The following NCOR2 variants were observed in gnomAD, a reference collection of about 807,000 sequenced individuals.
The protein encoded by NCOR2 is nuclear receptor corepressor 2.
Under a neutral mutation model 262.9 loss-of-function variants are expected in NCOR2, and 81 were observed. That is an observed-to-expected ratio of 0.31 (90% confidence interval 0.26 to 0.37). NCOR2 has a LOEUF of 0.37. Among genes scored for constraint, NCOR2 ranks in the 10% least tolerant of loss-of-function variants. The pLI is 1.00. For synonymous variants in NCOR2, 1,659 were observed against 1,559.3 expected (o/e 1.06, Z -1.51); for missense variants, 3,385 against 3,621.4 (o/e 0.93, Z 1.68).
At chr12:124,399,062 C>T (rs537230087) in intron 15 of NCOR2, among the ~76,000 whole-genome samples, 3 of 152,236 alleles carry the variant, frequency 2.0e-5, no homozygotes, top group Non-Finnish European at 2.9e-5. Flanking sequence ...CCTGGAACTG[C>T]GCCAGGGGGA....
chr12:124,340,144 G>C lies in NCOR2; in HGVS notation c.5549C>G (p.Ser1850Cys), dbSNP rs764396899. The change falls in exon 37 of 47, where the codon TCC becomes TGC. Residue 1850 changes from serine (S) to cysteine (C), a missense_variant. Physicochemically the swap from Ser to Cys is moderately radical, Grantham distance 112 (BLOSUM62 -1). This residue lies in a region of NCOR2 where 1,017 missense variants were observed against 967.2 expected (regional missense o/e 1.05). Transcript: ENST00000405201. ...CGAGTGCTGGTGGGCATGGGAGTGG[G>C]AGGCGGGGCGGCTGCTGCTGCCCCC... is the stretch of plus-strand genomic sequence containing the variant. The C allele has an allele frequency of 4.4e-6, 7 of 1,605,110 alleles. No homozygotes were observed. The African/African-American group carries it at 9.6e-5, about 22-fold the overall frequency.
chr12:124,497,451 C>G (rs1304169249), upstream of NCOR2, among the ~76,000 whole-genome samples: 2 of 151,940 alleles, frequency 1.3e-5, no homozygotes, highest in Non-Finnish European at 2.9e-5. The surrounding 1 kb of genome is among the most constrained non-coding windows in gnomAD (Gnocchi z 4.2). Context: ...CATGTGCCAC[C>G]CCCGCGTAGG....
At chr12:124,386,427 A>G (rs1463589202) in intron 16 of NCOR2, among the ~76,000 whole-genome samples, 18 of 151,936 alleles carry the variant, frequency 1.2e-4, no homozygotes, top group African/African-American at 4.1e-4. Context: ...GGTGGGGATG[A>G]GCTGGGGCCA....
chr12:124,509,990 C>T (rs1039222773), intron 1 of NCOR2, among the ~76,000 whole-genome samples: 2 of 152,182 alleles, frequency 1.3e-5, no homozygotes, highest in Non-Finnish European at 2.9e-5. Context: ...AAACCTAGGC[C>T]AGGTTGAGCA....
chr12:124,334,689 C>A (rs2035719056), intron 40 of NCOR2, 72 bp from the exon 43 acceptor site: 1 of 767,886 alleles, frequency 1.3e-6, no homozygotes, highest in Non-Finnish European at 2.0e-6. Flanking sequence ...TGGGGAGGGG[C>A]TAGACGGAGC....
At chr12:124,350,821 A>G in intron 27 of NCOR2, 84 bp from the exon 30 acceptor site, 1 of 1,460,854 alleles carries the variant, frequency 6.8e-7, no homozygotes, top group Middle Eastern at 2.0e-4. Context: ...CGTGCTTAAA[A>G]GCCCATGTGC....
exon 47 of NCOR2, chr12:124,325,452 G>C: frequency 2.2e-6 from 3 of 1,366,036 alleles, no homozygotes; most frequent in Non-Finnish European, 2.8e-6. Flanking sequence ...AGTGGCTTGG[G>C]CTCCTCGTCC....
At chr12:124,363,689 A>G in exon 21 of NCOR2, 1 of 1,386,936 alleles carries the variant, frequency 7.2e-7, no homozygotes, top group South Asian at 1.9e-5. Context: ...GATGGGGGGG[A>G]TGGCAGCCGC....
chr12:124,345,884 A>G (rs903325109), intron 31 of NCOR2, among the ~76,000 whole-genome samples: 1 of 152,086 alleles, frequency 6.6e-6, no homozygotes, highest in African/African-American at 2.4e-5. Flanking sequence ...CCTTCACAAG[A>G]GGCCACCTCT....
Position 124,548,727 on chromosome 12 carries a change from A to C in NCOR2, c.-164-13116T>G, listed in dbSNP as rs1364092485. 6.6e-6 allele frequency among the ~76,000 whole-genome samples: 1 copy of C among 151,792 alleles called. No homozygotes were observed. Among genetic ancestry groups the C allele is most frequent in the Non-Finnish European group, 1.5e-5 (1 of 67,924 alleles). On this transcript the variant is annotated intron_variant, in intron 1 of 32. Coordinates refer to the NCOR2 transcript ENST00000458234. The surrounding 1 kb of genome is among the most constrained non-coding windows in gnomAD (Gnocchi z 5.1). ...CAGGGATGTTTTTGGCTGCCCCATG[A>C]CTGGCTCATGGCCTTTGGGACAGTC...
At chr12:124,399,907 C>A (rs149681898) in intron 15 of NCOR2, among the ~76,000 whole-genome samples, 2 of 152,094 alleles carry the variant, frequency 1.3e-5, no homozygotes, top group African/African-American at 2.4e-5. Flanking sequence ...GGGATGAACA[C>A]CCTTCTCAAC....
In NCOR2 at chr12:124,442,074, CAA is replaced by C. The variant is rs1452884206; in HGVS notation, c.816-4080_816-4079del. Among the ~76,000 whole-genome samples the C allele has an allele frequency of 8.5e-5, 13 of 152,314 alleles. No homozygotes were observed. In the South Asian group the frequency reaches 2.5e-3, roughly 29 times the overall value. On this transcript the variant is annotated intron_variant, in intron 7 of 46. Transcript: ENST00000405201. ...GTTGGCGGAGAGACGGGTGAAAATG[CAA>C]AGACAGCTGGTAGTTTAGCAGAGGG...
rs367587339 is a variant in NCOR2, at chr12:124,470,023, C to T, written c.591+2929G>A. On this transcript the variant is annotated intron_variant, in intron 4 of 46. Coordinates refer to ENST00000405201, the Ensembl canonical transcript of NCOR2. ...TCTACAAAAAACACAAAAATTAGCT[C>T]GGTGTGGTGATGCACACCTGTACTC... Among the ~76,000 whole-genome samples the T allele has an allele frequency of 5.3e-5, 8 of 151,854 alleles. No homozygotes were observed. In the East Asian group the frequency reaches 7.7e-4, roughly 15 times the overall value.
rs2229842 is a variant in NCOR2, at chr12:124,337,150, C to T, written c.5718G>A (p.Pro1906=). 255,694 of 1,519,722 alleles carry T rather than the reference C, an allele frequency of 0.17. 24,963 individuals are homozygous for T. Among genetic ancestry groups the T allele is most frequent in the East Asian group, 0.45 (18,221 of 40,798 alleles). The allele number at this position is 1,519,722 out of a possible 1,614,324, so 94.1% of individuals were successfully genotyped here. Reference sequence around the variant, plus strand: ...GGGTGGCAGGTGGGAATGTGGCAGCCGGGCGAACGGGTGAGGAGGTGGAGG... The same window carrying T: ...GGGTGGCAGGTGGGAATGTGGCAGCTGGGCGAACGGGTGAGGAGGTGGAGG... Residue 1906 remains proline (P), a synonymous_variant, in exon 38 of 47, where the codon CCG becomes CCA. Transcript: ENST00000405201.
intron 46 of NCOR2, among the ~76,000 whole-genome samples, chr12:124,325,861 T>C (rs1593053055): frequency 6.6e-6 from 1 of 152,138 alleles, no homozygotes. Context: ...TCTGACCCTA[T>C]GTTAGATGAG....
chr12:124,565,620 G>T (rs1566065644), intron 1 of NCOR2, among the ~76,000 whole-genome samples: 2 of 151,346 alleles, frequency 1.3e-5, no homozygotes, highest in Non-Finnish European at 2.9e-5. Context: ...TGGATTAAAG[G>T]CCCAATCTTA....
In NCOR2 at chr12:124,483,225, G is replaced by A. The variant is rs918405556; in HGVS notation, c.411+371C>T. ...GCTGAAAGCTGCCCACCGACCACAG[G>A]ACGGTCCTGACCCCCATCGAATGGC... is the stretch of plus-strand genomic sequence containing the variant. On this transcript the variant is annotated intron_variant, in intron 3 of 46. Coordinates refer to ENST00000405201, the Ensembl canonical transcript of NCOR2. This position sits in a 1 kb window ranked among gnomAD's most constrained non-coding sequence, Gnocchi z 6.3. Among the ~76,000 whole-genome samples, 2 of 152,016 alleles carry A rather than the reference G, an allele frequency of 1.3e-5. No individual in the cohort carries two copies. The highest frequency in any genetic ancestry group is 2.9e-5 in the Non-Finnish European group (2 of 67,974).
At chr12:124,435,042 C>T (rs1477232745) in intron 8 of NCOR2, among the ~76,000 whole-genome samples, 3 of 152,226 alleles carry the variant, frequency 2.0e-5, no homozygotes, top group South Asian at 4.1e-4. Flanking sequence ...GATGTTTCCA[C>T]GCGACCTGGC....
intron 22 of NCOR2, among the ~76,000 whole-genome samples, chr12:124,360,187 T>C (rs1839752831): frequency 6.6e-6 from 1 of 152,186 alleles, no homozygotes; most frequent in South Asian, 2.1e-4. Flanking sequence ...ACACAGCTCC[T>C]TCCCGGGCTG....
Sources: allele counts gnomAD v4.1 joint callset (sites outside exome capture counted in the v4.1 genomes callset), GRCh38; gene constraint gnomAD v4.1.1; regional missense constraint gnomAD v4.1.1; non-coding constraint Gnocchi (gnomAD v3.1); transcripts MANE v1.5; gene names NCBI Gene and HGNC (gene_info 2026-07-23, HGNC 2026-07-21).